PCNX2: variants seen among roughly 807,000 people sequenced by gnomAD.
PCNX2 encodes pecanex-like protein 2.
Under a neutral mutation model 223.8 loss-of-function variants are expected in PCNX2, and 168 were observed. The ratio of observed to expected loss-of-function variants is 0.75; its 90% CI spans 0.66 to 0.85. The LOEUF is 0.85. Among genes scored for constraint, PCNX2 ranks in the 40% least tolerant of loss-of-function variants. The pLI is 0.00. For synonymous variants in PCNX2, 1,006 were observed against 1,052.6 expected, an observed-to-expected ratio of 0.96 and a Z score of 0.86; for missense variants, 2,507 against 2,675.5, an observed-to-expected ratio of 0.94 and a Z score of 1.39.
chr1:233,124,347 C>G (rs531790054), intron 21 of PCNX2, among the ~76,000 whole-genome samples: 1 of 152,294 alleles, frequency 6.6e-6, no homozygotes, highest in South Asian at 2.1e-4. Flanking sequence ...ACCTTACTGA[C>G]AATTCCAGAA....
At chr1:233,096,859 A>G (rs1674202064) in intron 21 of PCNX2, among the ~76,000 whole-genome samples, 1 of 152,210 alleles carries the variant, frequency 6.6e-6, no homozygotes, top group Admixed American at 6.5e-5. Context: ...CAAGGAACCA[A>G]GATAACTGAG....
intron 21 of PCNX2, among the ~76,000 whole-genome samples, chr1:233,121,529 A>G (rs72765703): frequency 0.13 from 19,909 of 152,228 alleles, 1,407 homozygotes; most frequent in East Asian, 0.19. Flanking sequence ...AAAGACCCAT[A>G]CAAATATGGT....
intron 21 of PCNX2, among the ~76,000 whole-genome samples, chr1:233,102,250 A>G (rs1489185583): frequency 1.3e-5 from 2 of 152,128 alleles, no homozygotes; most frequent in East Asian, 1.9e-4. Flanking sequence ...CATTGTGTAT[A>G]TATACACGGT....
chr1:233,052,071 T>TTTATCA (rs1227065030), intron 25 of PCNX2, among the ~76,000 whole-genome samples: 7 of 152,190 alleles, frequency 4.6e-5, no homozygotes, highest in Non-Finnish European at 1.0e-4. Flanking sequence ...TATCACTAGT[T>TTTATCA]CCCTGTTCAA....
chr1:233,187,988 C>G (rs1680202438), intron 15 of PCNX2, among the ~76,000 whole-genome samples: 1 of 152,210 alleles, frequency 6.6e-6, no homozygotes, highest in African/African-American at 2.4e-5. Context: ...TTACAGTCAT[C>G]ATAACCACCA....
rs1212760356 is a variant in PCNX2, at chr1:233,295,285, C to T, written c.153+41G>A. The T allele has an allele frequency of 6.4e-7, 1 of 1,562,824 alleles. No individual in the cohort carries two copies. Among genetic ancestry groups the T allele is most frequent in the Non-Finnish European group, 8.7e-7 (1 of 1,153,402 alleles). On this transcript the variant is annotated intron_variant, in intron 1 of 33. Transcript: ENST00000258229. This position sits in a 1 kb window ranked among gnomAD's most constrained non-coding sequence, Gnocchi z 4.1. Reference sequence around the variant, plus strand: ...TGTGGTTCCTTTCTCCTTCTTCCCTCCATACCCACAGCTCCCCGGGACCGG... The same window carrying T: ...TGTGGTTCCTTTCTCCTTCTTCCCTTCATACCCACAGCTCCCCGGGACCGG...
At chr1:233,241,314 A>G (rs1318319443) in intron 8 of PCNX2, 1 of 985,320 alleles carries the variant, frequency 1.0e-6, no homozygotes, top group Admixed American at 6.2e-5. Context: ...AACCACACTG[A>G]GCGGCAGGGC....
chr1:233,260,644 A>G (rs368535534), intron 4 of PCNX2, among the ~76,000 whole-genome samples: 2 of 152,156 alleles, frequency 1.3e-5, no homozygotes, highest in East Asian at 1.9e-4. Flanking sequence ...AATTTCAGCT[A>G]TTTTCTAGAG....
At chr1:233,279,658 T>C (rs1303221530) in intron 1 of PCNX2, among the ~76,000 whole-genome samples, 2 of 152,182 alleles carry the variant, frequency 1.3e-5, no homozygotes, top group East Asian at 3.8e-4. Flanking sequence ...TTTCTTTTAT[T>C]GCTGAAATCC....
chr1:233,144,106 G>A (rs3901672), intron 19 of PCNX2, among the ~76,000 whole-genome samples: 5 of 152,092 alleles, frequency 3.3e-5, no homozygotes, highest in African/African-American at 4.8e-5. Context: ...GCTTGAACCC[G>A]AGAGGTTGAG....
At chr1:233,210,285 CT>C (rs1357665849) in intron 12 of PCNX2, among the ~76,000 whole-genome samples, 3 of 151,344 alleles carry the variant, frequency 2.0e-5, no homozygotes, top group African/African-American at 4.9e-5. Context: ...ACACAAACCA[CT>C]TTTTTTTTGA....
chr1:233,291,003 T>C (rs1014344971), intron 1 of PCNX2: 3 of 985,150 alleles, frequency 3.0e-6, no homozygotes, highest in African/African-American at 3.5e-5. Flanking sequence ...TCCAGTGGAG[T>C]TGACCACAAT....
chr1:233,212,831 T>C (rs187788617), intron 12 of PCNX2, among the ~76,000 whole-genome samples: 20 of 152,378 alleles, frequency 1.3e-4, no homozygotes, highest in African/African-American at 4.3e-4. Flanking sequence ...TAAAACTAAG[T>C]TGACCTTCTT....
chr1:233,164,202 C>T (rs1412337188), intron 17 of PCNX2, among the ~76,000 whole-genome samples: 1 of 152,092 alleles, frequency 6.6e-6, no homozygotes, highest in Non-Finnish European at 1.5e-5. Context: ...TTAAAATGTG[C>T]AACGTCACTA....
intron 1 of PCNX2, among the ~76,000 whole-genome samples, chr1:233,273,324 G>A (rs1197021886): frequency 2.0e-5 from 3 of 151,896 alleles, no homozygotes; most frequent in African/African-American, 7.3e-5. Context: ...AGTGCTGTGT[G>A]AGCCATGGAA....
intron 23 of PCNX2, chr1:233,058,117 T>C (rs1480627210): frequency 2.2e-6 from 2 of 911,520 alleles, no homozygotes; most frequent in Non-Finnish European, 2.6e-6. Flanking sequence ...ACCTATTCCA[T>C]CATGTAAACA....
intron 25 of PCNX2, among the ~76,000 whole-genome samples, chr1:233,026,565 G>A (rs1358328037): frequency 6.6e-6 from 1 of 152,226 alleles, no homozygotes; most frequent in Non-Finnish European, 1.5e-5. Context: ...CCAGATGCAA[G>A]AGAATGATGA....
chr1:233,307,720 T>C, the PCNX2 span, among the ~76,000 whole-genome samples: 5 of 152,170 alleles, frequency 3.3e-5, no homozygotes, highest in Non-Finnish European at 7.4e-5. Flanking sequence ...ACAAAACCAC[T>C]TTTTGAGGAA....
At chr1:233,015,225 T>C (rs1367886263) in intron 27 of PCNX2, among the ~76,000 whole-genome samples, 1 of 152,196 alleles carries the variant, frequency 6.6e-6, no homozygotes, top group African/African-American at 2.4e-5. Flanking sequence ...GGTTGACTGC[T>C]AGACTGTAAG....
Sources: gnomAD v4.1 joint callset for allele counts (sites outside exome capture counted in the v4.1 genomes callset) on GRCh38, gnomAD v4.1.1 for gene constraint, Gnocchi (gnomAD v3.1) non-coding constraint, MANE v1.5 for transcripts, NCBI Gene and HGNC (gene_info 2026-07-23, HGNC 2026-07-21) for gene names.